CLDN6: variants seen among roughly 807,000 people sequenced by gnomAD.
The protein encoded by CLDN6 is claudin 6.
For synonymous variants in CLDN6, 144 were observed against 131.2 expected (o/e 1.10, Z -0.67); for missense variants, 279 against 284.1 (o/e 0.98, Z 0.13).
chr16:3,016,562 C>T (rs991236251), intron 1 of CLDN6, among the ~76,000 whole-genome samples: 2 of 152,082 alleles, frequency 1.3e-5, no homozygotes, highest in African/African-American at 4.8e-5. Flanking sequence ...CTCACTGCAA[C>T]CTCTGCCTCC....
chr16:3,015,131 C>G lies in CLDN6; in HGVS notation c.*228G>C. Reference sequence around the variant, plus strand: ...ATGGGCATGTCAAGATCCAGAATCTCAAAGCATCCCCTCTTTGGCTCCATC... The same window carrying G: ...ATGGGCATGTCAAGATCCAGAATCTGAAAGCATCCCCTCTTTGGCTCCATC... On this transcript the variant is annotated 3_prime_UTR_variant, in exon 2 of 2. Coordinates refer to ENST00000328796, the MANE Select transcript of CLDN6 (RefSeq NM_021195.5). 1 of 455,850 alleles carries G rather than the reference C, an allele frequency of 2.2e-6. No homozygotes were observed. The highest frequency in any genetic ancestry group is 3.8e-6 in the Non-Finnish European group (1 of 260,636). The allele number at this position is 455,850 out of a possible 1,614,324, so 28.2% of individuals were successfully genotyped here. A position where few individuals can be genotyped will look rare whatever the true frequency, so the allele number is the denominator to read the frequency against.
chr16:3,014,839 G>C lies in CLDN6; in HGVS notation c.*520C>G, dbSNP rs866464519. The C allele has an allele frequency of 1.1e-4, 35 of 315,712 alleles. No individual in the cohort carries two copies. The highest frequency in any genetic ancestry group is 8.5e-4 in the Middle Eastern group (1 of 1,176). 19.6% of individuals were successfully genotyped at this position (315,712 alleles called of 1,614,324 possible). On this transcript the variant is annotated 3_prime_UTR_variant, in exon 2 of 2. Coordinates refer to ENST00000328796, the MANE Select transcript of CLDN6 (RefSeq NM_021195.5). ...GTCTACATAGCTGGGACCTGGCCCT[G>C]GGGGGTGGACGTCTTATCAGGACGG...
chr16:3,016,792 C>A (rs367734961), intron 1 of CLDN6, among the ~76,000 whole-genome samples: 4 of 150,528 alleles, frequency 2.7e-5, no homozygotes, highest in Admixed American at 6.6e-5. Flanking sequence ...GGACTACAGG[C>A]GCTCACCACC....
intron 1 of CLDN6, among the ~76,000 whole-genome samples, chr16:3,016,292 T>C (rs1354651071): frequency 2.6e-5 from 4 of 152,238 alleles, no homozygotes; most frequent in African/African-American, 9.6e-5. Context: ...AGCCCTGCCC[T>C]GGCTATCCTG....
intron 1 of CLDN6, among the ~76,000 whole-genome samples, chr16:3,016,814 A>ATTTTT (rs545186433): frequency 6.6e-6 from 1 of 150,956 alleles, no homozygotes; most frequent in African/African-American, 2.5e-5. Flanking sequence ...CGCCCGGCTA[A>ATTTTT]TTTTTTTGTA....
chr16:3,016,595 C>T (rs1198723482), intron 1 of CLDN6, among the ~76,000 whole-genome samples: 1 of 152,124 alleles, frequency 6.6e-6, no homozygotes, highest in Non-Finnish European at 1.5e-5. Context: ...ATTCTCCTGC[C>T]TCAGCCTCCC....
intron 1 of CLDN6, among the ~76,000 whole-genome samples, chr16:3,017,666 G>T (rs997518565): frequency 1.2e-4 from 18 of 152,012 alleles, no homozygotes; most frequent in Non-Finnish European, 2.6e-4. Context: ...AGTTAGGGTC[G>T]GGGCCGCGCT....
intron 1 of CLDN6, among the ~76,000 whole-genome samples, chr16:3,017,179 C>T (rs2151125279): frequency 6.6e-6 from 1 of 152,252 alleles, no homozygotes; most frequent in South Asian, 2.1e-4. Context: ...CCCAGGCTGG[C>T]AGACACCAGG....
Position 3,015,465 on chromosome 16 carries a change from G to A in CLDN6, c.557C>T (p.Pro186Leu). 3.8e-6 allele frequency: 6 copies of A among 1,591,010 alleles called. No individual in the cohort carries two copies. The highest frequency in any genetic ancestry group is 5.1e-6 in the Non-Finnish European group (6 of 1,167,754). ...GCTGGGGCCCTGGGACCCCCCCGAG[G>A]GGCAAGTGCAGCACAGCAACCCCCC... Reference protein sequence around the residue: ...LGGGLLCCTCPSGGSQGPSHY... With the variant: ...LGGGLLCCTCLSGGSQGPSHY... Residue 186 changes from proline (P) to leucine (L), a missense_variant, in exon 2 of 2, where the codon CCC (proline) becomes CTC (leucine). By Grantham distance (98) the Pro-to-Leu change is moderately conservative. Transcript: ENST00000328796.
chr16:3,015,250 G>T lies in CLDN6; in HGVS notation c.*109C>A. On this transcript the variant is annotated 3_prime_UTR_variant, in exon 2 of 2. Transcript: ENST00000328796. Reference sequence around the variant, plus strand: ...GAATTTTAAATATCCTCAGTCAAAAGAAAAATAGCAGGAGGCAGAAACAAA... The same window carrying T: ...GAATTTTAAATATCCTCAGTCAAAATAAAAATAGCAGGAGGCAGAAACAAA... 1 of 986,848 alleles carries T rather than the reference G, an allele frequency of 1.0e-6. No homozygotes were observed. Among genetic ancestry groups the T allele is most frequent in the Non-Finnish European group, 1.5e-6 (1 of 680,790 alleles). The allele number at this position is 986,848 out of a possible 1,614,324, so 61.1% of individuals were successfully genotyped here.
chr16:3,015,454 A>T lies in CLDN6; in HGVS notation c.568T>A (p.Ser190Thr). The stretch of plus-strand genomic sequence containing the variant: ...GCCATGTAATGGCTGGGGCCCTGGG[A>T]CCCCCCCGAGGGGCAAGTGCAGCAC... ...LLCCTCPSGG[S>T]QGPSHYMARY... Residue 190 changes from serine (S) to threonine (T), a missense_variant, in exon 2 of 2, where the codon TCC (serine) becomes ACC (threonine). Ser to Thr is a moderately conservative substitution (Grantham distance 58). Coordinates refer to ENST00000328796, the MANE Select transcript of CLDN6 (RefSeq NM_021195.5). The T allele has an allele frequency of 1.9e-6, 3 of 1,573,928 alleles. No individual in the cohort carries two copies. The highest frequency in any genetic ancestry group is 2.6e-6 in the Non-Finnish European group (3 of 1,160,590).
Position 3,015,409 on chromosome 16 carries a change from G to C in CLDN6, c.613C>G (p.Pro205Ala). Reference protein sequence around the residue: ...HYMARYSTSAPAISRGPSEYP... With the variant: ...HYMARYSTSAAAISRGPSEYP... ...TCAGAGGGCCCCCGAGAGATGGCAG[G>C]GGCAGATGTTGAGTAGCGGGCCATG... Residue 205 changes from proline to alanine, a missense_variant, in exon 2 of 2, where the codon CCT becomes GCT. By Grantham distance (27) the Pro-to-Ala change is conservative. Transcript: ENST00000328796. The C allele has an allele frequency of 6.5e-7, 1 of 1,534,164 alleles. No homozygotes were observed. Among genetic ancestry groups the C allele is most frequent in the Non-Finnish European group, 8.7e-7 (1 of 1,143,418 alleles).
At chr16:3,017,101 C>G (rs1478984205) in intron 1 of CLDN6, among the ~76,000 whole-genome samples, 3 of 152,114 alleles carry the variant, frequency 2.0e-5, no homozygotes, top group Admixed American at 1.3e-4. Context: ...TTGTTAATTT[C>G]AACACTAAGA....
chr16:3,015,939 G>A lies in CLDN6; in HGVS notation c.83C>T (p.Pro28Leu), dbSNP rs1375483422. The A allele has an allele frequency of 7.4e-6, 12 of 1,614,228 alleles. No homozygotes were observed. Among genetic ancestry groups the A allele is most frequent in the South Asian group, 1.1e-5 (1 of 91,084 alleles). ...GATGAAAGCGGTCACCTTCCACATG[G>A]GCAGGGCACAGGAGACCAGGCCATT... ...WVNGLVSCAL[P>L]MWKVTAFIGN... The change falls in exon 2 of 2, where the codon CCC (proline) becomes CTC (leucine). Residue 28 changes from proline (P) to leucine (L), a missense_variant. Coordinates refer to ENST00000328796, the MANE Select transcript of CLDN6 (RefSeq NM_021195.5).
At chr16:3,017,591 C>A (rs1394513504) in intron 1 of CLDN6, among the ~76,000 whole-genome samples, 1 of 152,074 alleles carries the variant, frequency 6.6e-6, no homozygotes, top group African/African-American at 2.4e-5. Context: ...GAGCAGACCA[C>A]CTTGGGGAGA....
chr16:3,016,914 C>T (rs983755754), intron 1 of CLDN6, among the ~76,000 whole-genome samples: 2 of 152,152 alleles, frequency 1.3e-5, no homozygotes, highest in Admixed American at 1.3e-4. Flanking sequence ...TCCCAGAGTG[C>T]TGGGATTACA....
chr16:3,016,395 G>A (rs2151125009), intron 1 of CLDN6, among the ~76,000 whole-genome samples: 1 of 152,246 alleles, frequency 6.6e-6, no homozygotes. Flanking sequence ...AAAGCAGGAT[G>A]ACAGGACGGT....
chr16:3,014,980 C>A lies in CLDN6; in HGVS notation c.*379G>T, dbSNP rs984149421. On this transcript the variant is annotated 3_prime_UTR_variant, in exon 2 of 2. Transcript: ENST00000328796. ...CCTGAGTAGGATGGGGGGCAGCTGTCCAGTGACATCTAGGGAAGCCCAGCC... is the reference window on the plus strand; with the variant it reads ...CCTGAGTAGGATGGGGGGCAGCTGTACAGTGACATCTAGGGAAGCCCAGCC... The A allele has an allele frequency of 2.0e-5, 8 of 408,772 alleles. No individual in the cohort carries two copies. Among genetic ancestry groups the A allele is most frequent in the Non-Finnish European group, 3.4e-5 (8 of 232,580 alleles). 25.3% of individuals were successfully genotyped at this position (408,772 alleles called of 1,614,324 possible).
Position 3,015,685 on chromosome 16 carries a change from A to C in CLDN6, c.337T>G (p.Ser113Ala). 6.2e-7 allele frequency: 1 copy of C among 1,613,646 alleles called. No homozygotes were observed. Among genetic ancestry groups the C allele is most frequent in the Non-Finnish European group, 8.5e-7 (1 of 1,180,034 alleles). ...GAGGTGAGCACCAGGCGGGCCTTGG[A>C]ATCCTTCTCCTCCACACAGGTGGTA... Reference protein sequence around the residue: ...KCTTCVEEKDSKARLVLTSGI... With the variant: ...KCTTCVEEKDAKARLVLTSGI... Residue 113 changes from serine (S) to alanine (A), a missense_variant, in exon 2 of 2, where the codon TCC (serine) becomes GCC (alanine). Transcript: ENST00000328796.
Sources: allele counts gnomAD v4.1 joint callset (sites outside exome capture counted in the v4.1 genomes callset), GRCh38; gene constraint gnomAD v4.1.1; transcripts MANE v1.5; gene names NCBI Gene and HGNC (gene_info 2026-07-23, HGNC 2026-07-21).